Variants in PAK3 observed in about 807,000 individuals in gnomAD.
The protein encoded by PAK3 is p21 (RAC1) activated kinase 3, also known as serine/threonine-protein kinase PAK 3.
PAK3 carries 4 observed loss-of-function variants against 41.0 expected under a neutral mutation model. The observed-to-expected ratio is 0.10, with a 90% CI of 0.05 to 0.22. The LOEUF is 0.22. Ranked by LOEUF, PAK3 falls within the 10% of genes least tolerant of loss-of-function variation. The pLI, the probability that PAK3 is intolerant of heterozygous loss-of-function variation, is 1.00. For synonymous variants in PAK3, 146 were observed against 139.6 expected, an observed-to-expected ratio of 1.05 and a Z score of -0.32; for missense variants, 205 against 409.9, an observed-to-expected ratio of 0.50 and a Z score of 4.32.
intron 1 of PAK3, among the ~76,000 whole-genome samples, chrX:111,057,797 T>A (rs751962651): frequency 8.9e-6 from 1 of 111,830 alleles, no homozygotes; most frequent in South Asian, 3.8e-4. Context: ...TTCATTGCCC[T>A]GAAAAGGAAG....
Position 111,150,425 on chromosome X carries a change from T to A in PAK3, c.431-1985T>A, listed in dbSNP as rs987791353. ...AATTTACTGTATTAGTCCGTTTTCA[T>A]GCTACTGATAATGACATACCTAAGA... is the stretch of plus-strand genomic sequence containing the variant. On this transcript the variant is annotated intron_variant, in intron 7 of 17. Transcript: ENST00000372007. 3.6e-4 allele frequency among the ~76,000 whole-genome samples: 40 copies of A among 112,103 alleles called. 2 individuals carry two copies. The highest frequency in any genetic ancestry group is 1.2e-3 in the African/African-American group (36 of 30,770).
intron 1 of PAK3, among the ~76,000 whole-genome samples, chrX:111,061,821 GT>G (rs368119764): frequency 2.0e-4 from 21 of 104,408 alleles, no homozygotes; most frequent in African/African-American, 5.5e-4. Context: ...TCAGTCACTT[GT>G]TTTTTTTTTA....
chrX:111,198,474 A>G (rs758461448), intron 16 of PAK3, among the ~76,000 whole-genome samples: 6 of 112,249 alleles, frequency 5.3e-5, no homozygotes, highest in Non-Finnish European at 9.4e-5. Context: ...ACATTTAAGT[A>G]TGTAATCCAT....
At chrX:110,964,462 C>T (rs1052889481) in intron 1 of PAK3, among the ~76,000 whole-genome samples, 3 of 112,221 alleles carry the variant, frequency 2.7e-5, no homozygotes, top group African/African-American at 9.7e-5. Flanking sequence ...ATGGACCACA[C>T]TTTGAGTAGC....
At chrX:111,091,036 T>C (rs180990957) in intron 1 of PAK3, among the ~76,000 whole-genome samples, 4 of 111,748 alleles carry the variant, frequency 3.6e-5, no homozygotes, top group East Asian at 2.8e-4. Flanking sequence ...AACAATGTGG[T>C]TTGATATGTA....
chrX:111,087,766 CA>C lies in PAK3; in HGVS notation c.-27-35297del, dbSNP rs3066000. 6.4e-3 allele frequency among the ~76,000 whole-genome samples: 592 copies of C among 92,619 alleles called. 8 individuals carry two copies. The highest frequency in any genetic ancestry group is 0.023 in the African/African-American group (556 of 23,960). 80.4% of individuals were successfully genotyped at this position (92,619 alleles called of 115,157 possible). A position where few individuals can be genotyped will look rare whatever the true frequency, so the allele number is the denominator to read the frequency against. ...GACAGGGACTGCAAAAAAAAAAAAA[CA>C]AAAAAAAAAAAAACAGAAGACAAAA... On this transcript the variant is annotated intron_variant, in intron 1 of 14. Transcript: ENST00000425146.
chrX:111,154,600 C>T (rs1453893670), intron 8 of PAK3, among the ~76,000 whole-genome samples: 2 of 111,717 alleles, frequency 1.8e-5, no homozygotes, highest in Non-Finnish European at 3.8e-5. Flanking sequence ...AAAACTCACT[C>T]TCTTCACACA....
chrX:111,135,119 G>A (rs2093770566), intron 5 of PAK3, among the ~76,000 whole-genome samples: 1 of 110,802 alleles, frequency 9.0e-6, no homozygotes. Flanking sequence ...GAGTCATACA[G>A]GTGAGAAATG....
intron 1 of PAK3, among the ~76,000 whole-genome samples, chrX:111,028,066 A>G (rs969096414): frequency 5.3e-5 from 2 of 38,017 alleles, no homozygotes; most frequent in African/African-American, 7.7e-5. Context: ...AATACTACTC[A>G]GCCATAAAAA....
At chrX:111,207,285 G>A (rs886979750) in intron 16 of PAK3, among the ~76,000 whole-genome samples, 1 of 109,716 alleles carries the variant, frequency 9.1e-6, no homozygotes, top group Non-Finnish European at 1.9e-5. Context: ...TCTGATCCAC[G>A]GGTGTGAAAT....
At chrX:111,016,966 G>T (rs1490691591) in intron 1 of PAK3, among the ~76,000 whole-genome samples, 1 of 111,597 alleles carries the variant, frequency 9.0e-6, no homozygotes, top group Non-Finnish European at 1.9e-5. Flanking sequence ...ACTCAACAAA[G>T]ATAGTAGTCC....
chrX:111,095,268 T>C (rs2092964912), upstream of PAK3, among the ~76,000 whole-genome samples: 1 of 112,373 alleles, frequency 8.9e-6, no homozygotes, highest in Non-Finnish European at 1.9e-5. Flanking sequence ...TACAATTTTA[T>C]GTCCTCTTCT....
intron 16 of PAK3, among the ~76,000 whole-genome samples, chrX:111,200,535 G>A (rs925491533): frequency 8.9e-6 from 1 of 112,332 alleles, no homozygotes; most frequent in East Asian, 2.8e-4. Context: ...TTTTCCCACC[G>A]TTTGTGGGTT....
intron 8 of PAK3, among the ~76,000 whole-genome samples, chrX:111,152,950 C>T (rs183570439): frequency 0.051 from 5,697 of 111,566 alleles, 381 homozygotes; most frequent in African/African-American, 0.18. Flanking sequence ...GTTTGTTTAA[C>T]CATTCAAACA....
intron 1 of PAK3, among the ~76,000 whole-genome samples, chrX:110,995,730 G>C (rs1429108772): frequency 9.0e-6 from 1 of 110,651 alleles, no homozygotes; most frequent in South Asian, 3.9e-4. Context: ...GAATAATCTG[G>C]CTCCTGTGCA....
At chrX:111,087,997 A>G (rs755364501) in intron 1 of PAK3, among the ~76,000 whole-genome samples, 20 of 110,443 alleles carry the variant, frequency 1.8e-4, no homozygotes, top group African/African-American at 6.6e-4. Context: ...AATCCCTAAT[A>G]CAGTGGTTCC....
intron 8 of PAK3, among the ~76,000 whole-genome samples, chrX:111,155,940 T>C (rs1169655007): frequency 8.9e-6 from 1 of 111,990 alleles, no homozygotes; most frequent in Non-Finnish European, 1.9e-5. Context: ...TAAATGGTAC[T>C]CCAAGGAATC....
At chrX:111,006,980 T>C (rs1285790969) in intron 1 of PAK3, among the ~76,000 whole-genome samples, 1 of 107,560 alleles carries the variant, frequency 9.3e-6, no homozygotes, top group African/African-American at 3.4e-5. Flanking sequence ...AAACAAAATG[T>C]TGAGTTTACA....
intron 1 of PAK3, among the ~76,000 whole-genome samples, chrX:110,975,540 T>A (rs1163151341): frequency 8.9e-6 from 1 of 111,855 alleles, no homozygotes; most frequent in Non-Finnish European, 1.9e-5. Context: ...CTGCCCAAAG[T>A]AATTTATAGA....
Sources: allele counts gnomAD v4.1 joint callset (sites outside exome capture counted in the v4.1 genomes callset), GRCh38; gene constraint gnomAD v4.1.1; transcripts MANE v1.5; gene names NCBI Gene and HGNC (gene_info 2026-07-23, HGNC 2026-07-21).